Variants in LRFN5 observed in about 807,000 individuals in gnomAD.
LRFN5 encodes leucine rich repeat and fibronectin type III domain containing 5.
Under a neutral mutation model 45.6 loss-of-function variants are expected in LRFN5, and 24 were observed. That is an observed-to-expected ratio of 0.53 (90% CI 0.38 to 0.74). The LOEUF (loss-of-function observed/expected upper bound fraction) is 0.74. Ranked by LOEUF, LRFN5 falls within the 30% of genes least tolerant of loss-of-function variation. The pLI is 0.00. For missense variants in LRFN5, 776 were observed against 861.5 expected, an observed-to-expected ratio of 0.90 and a Z score of 1.24; for synonymous variants, 340 against 313.8, an observed-to-expected ratio of 1.08 and a Z score of -0.88.
intron 1 of LRFN5, among the ~76,000 whole-genome samples, chr14:41,698,023 A>G (rs954166270): frequency 6.6e-6 from 1 of 151,976 alleles, no homozygotes. Context: ...TATAGAGACT[A>G]GGGGAAAAAT....
intron 1 of LRFN5, among the ~76,000 whole-genome samples, chr14:41,747,432 G>A (rs1210699491): frequency 1.3e-5 from 2 of 151,950 alleles, no homozygotes; most frequent in Non-Finnish European, 2.9e-5. Flanking sequence ...CATTCAGGTG[G>A]GGAAAGGACA....
At chr14:41,694,692 A>C (rs970658858) in intron 1 of LRFN5, among the ~76,000 whole-genome samples, 20 of 151,960 alleles carry the variant, frequency 1.3e-4, no homozygotes, top group African/African-American at 4.6e-4. Flanking sequence ...GTATGTGTTC[A>C]CTTCATGTCT....
chr14:41,893,962 T>A, intron 4 of LRFN5: 1 of 985,140 alleles, frequency 1.0e-6, no homozygotes, highest in Non-Finnish European at 1.2e-6. Context: ...AAATATATTT[T>A]CAGTACTATT....
chr14:41,663,961 A>G (rs1024414642), intron 1 of LRFN5, among the ~76,000 whole-genome samples: 4 of 152,142 alleles, frequency 2.6e-5, no homozygotes, highest in South Asian at 2.1e-4. Flanking sequence ...TTGGATTACA[A>G]TCATCGTATT....
chr14:41,876,245 C>T (rs1890179341), intron 2 of LRFN5, among the ~76,000 whole-genome samples: 6 of 150,994 alleles, frequency 4.0e-5, no homozygotes, highest in Admixed American at 4.0e-4. Context: ...ATACACTGAG[C>T]ACCAGAGGAA....
At chr14:41,829,875 A>C (rs569455505) in intron 2 of LRFN5, among the ~76,000 whole-genome samples, 157 of 151,296 alleles carry the variant, frequency 1.0e-3, no homozygotes, top group African/African-American at 3.5e-3. Flanking sequence ...TCTTTTTAAA[A>C]TGTATTTACT....
intron 2 of LRFN5, among the ~76,000 whole-genome samples, chr14:41,833,104 C>G (rs1197128973): frequency 2.0e-5 from 3 of 152,096 alleles, no homozygotes; most frequent in Non-Finnish European, 4.4e-5. Context: ...GGCAGTTTAC[C>G]CATTCAGTAA....
intron 2 of LRFN5, among the ~76,000 whole-genome samples, chr14:41,772,549 C>T (rs1355570369): frequency 6.9e-6 from 1 of 144,726 alleles, no homozygotes; most frequent in Middle Eastern, 3.2e-3. Context: ...TCTTATGCAG[C>T]ATTCACTTTG....
At chr14:41,853,588 A>G (rs576700908) in intron 2 of LRFN5, among the ~76,000 whole-genome samples, 122 of 152,192 alleles carry the variant, frequency 8.0e-4, no homozygotes, top group Non-Finnish European at 1.4e-3. Flanking sequence ...TCCATTTTGG[A>G]TATATTATAT....
intron 2 of LRFN5, among the ~76,000 whole-genome samples, chr14:41,844,672 T>C (rs1594459333): frequency 6.6e-6 from 1 of 152,234 alleles, no homozygotes; most frequent in South Asian, 2.1e-4. Context: ...AAGCCTTGAT[T>C]TGTAGCATTT....
chr14:41,794,137 C>A (rs1887035248), intron 2 of LRFN5, among the ~76,000 whole-genome samples: 1 of 151,944 alleles, frequency 6.6e-6, no homozygotes, highest in African/African-American at 2.4e-5. Context: ...TATAATAGCT[C>A]CAAAGAGCTG....
intron 2 of LRFN5, among the ~76,000 whole-genome samples, chr14:41,788,445 G>T (rs1028969504): frequency 1.3e-5 from 2 of 151,964 alleles, no homozygotes; most frequent in Non-Finnish European, 2.9e-5. Flanking sequence ...CAGATATGGC[G>T]TAAGTATTGT....
At chr14:41,621,578 G>T (rs1023933546) in intron 1 of LRFN5, among the ~76,000 whole-genome samples, 2 of 152,096 alleles carry the variant, frequency 1.3e-5, no homozygotes, top group African/African-American at 4.8e-5. Flanking sequence ...GCTTGTTGGA[G>T]TTCAGGTTCT....
intron 2 of LRFN5, among the ~76,000 whole-genome samples, chr14:41,781,634 GGAAAGAAAGAAAGA>G (rs1422970420): frequency 2.6e-5 from 3 of 114,938 alleles, no homozygotes; most frequent in East Asian, 2.4e-4. Flanking sequence ...AAGAAAGAAA[GGAAAGAAAGAAAGA>G]GAAAGAAAGA....
At chr14:41,849,711 G>T (rs1889199210) in intron 2 of LRFN5, among the ~76,000 whole-genome samples, 1 of 151,970 alleles carries the variant, frequency 6.6e-6, no homozygotes, top group Non-Finnish European at 1.5e-5. Flanking sequence ...TGCATGCATG[G>T]TGTAAATTCA....
rs569167936 is a variant in LRFN5 at position 41,608,929 on chromosome 14, G to A, written c.-197+367G>A. On this transcript the variant is annotated intron_variant, in intron 1 of 5. Transcript: ENST00000298119. The stretch of plus-strand genomic sequence containing the variant: ...TACCCAACCCTTTCCAGATTGTGAA[G>A]TGTGAGTGGGTGTTTGGTTTCCACC... 1.1e-4 allele frequency among the ~76,000 whole-genome samples: 17 copies of A among 152,304 alleles called. No homozygotes were observed. The East Asian group carries it at 3.3e-3, about 29-fold the overall frequency.
intron 1 of LRFN5, among the ~76,000 whole-genome samples, chr14:41,613,347 T>C (rs1280294516): frequency 1.3e-5 from 2 of 152,050 alleles, no homozygotes; most frequent in Non-Finnish European, 2.9e-5. Context: ...TCTTCCACAA[T>C]GGTTGAACTA....
chr14:41,886,461 TAC>T (rs754389163), intron 2 of LRFN5, 143 bp from the exon 3 acceptor site: 10 of 577,680 alleles, frequency 1.7e-5, no homozygotes, highest in Admixed American at 3.7e-5. Flanking sequence ...TAGCCTTTAC[TAC>T]AGAATAAATA....
intron 1 of LRFN5, among the ~76,000 whole-genome samples, chr14:41,609,946 T>TC (rs1283164534): frequency 1.1e-4 from 17 of 152,336 alleles, no homozygotes; most frequent in Non-Finnish European, 2.1e-4. Context: ...GCTCTGCTTG[T>TC]CCCTGCGCAC....
Sources: gnomAD v4.1 joint callset for allele counts (sites outside exome capture counted in the v4.1 genomes callset) on GRCh38, gnomAD v4.1.1 for gene constraint, MANE v1.5 for transcripts, NCBI Gene and HGNC (gene_info 2026-07-23, HGNC 2026-07-21) for gene names.